PPM1E: variants seen among roughly 807,000 people sequenced by gnomAD.
The protein encoded by PPM1E is protein phosphatase 1E.
PPM1E carries 20 observed loss-of-function variants against 65.9 expected under a neutral mutation model. The ratio of observed to expected loss-of-function variants is 0.30; its 90% CI spans 0.21 to 0.44. PPM1E has a LOEUF of 0.44. PPM1E is among the 20% of genes least tolerant of loss of function. PPM1E has a pLI of 1.00. For missense variants in PPM1E, 713 were observed against 953.1 expected (o/e 0.75, Z 3.32); for synonymous variants, 352 against 374.9 (o/e 0.94, Z 0.70).
At chr17:58,866,054 A>G (rs1258812626) in intron 1 of PPM1E, among the ~76,000 whole-genome samples, 2 of 152,094 alleles carry the variant, frequency 1.3e-5, no homozygotes, top group African/African-American at 4.8e-5. Context: ...AGAGAGGGAG[A>G]TTTTCTTTAT....
Position 58,786,613 on chromosome 17 carries a change from A to T in PPM1E, c.464+30152A>T, listed in dbSNP as rs199924907. 2.6e-5 allele frequency among the ~76,000 whole-genome samples: 4 copies of T among 152,252 alleles called. No individual in the cohort carries two copies. In the East Asian group the frequency reaches 7.7e-4, roughly 29 times the overall value. On this transcript the variant is annotated intron_variant, in intron 1 of 6. Transcript: ENST00000308249. ...TGCTACAGAATGGCGTGCAGTTTAA[A>T]ACTTATGAATTGTTTATTTGTAGAA...
intron 1 of PPM1E, among the ~76,000 whole-genome samples, chr17:58,933,083 G>C (rs539252918): frequency 1.3e-5 from 2 of 152,308 alleles, no homozygotes; most frequent in Non-Finnish European, 2.9e-5. Flanking sequence ...TACGTGTGTA[G>C]TAGACTATAC....
Position 58,756,071 on chromosome 17 carries a change from C to A in PPM1E, c.74C>A (p.Pro25Gln), listed in dbSNP as rs761409476. 28 of 1,612,434 alleles carry A rather than the reference C, an allele frequency of 1.7e-5. No individual in the cohort carries two copies. The East Asian group carries it at 6.2e-4, about 36-fold the overall frequency. The change falls in exon 1 of 7, where the codon CCG becomes CAG. Residue 25 changes from proline to glutamine, a missense_variant. By Grantham distance (76) the Pro-to-Gln change is moderately conservative. Coordinates refer to ENST00000308249, the MANE Select transcript of PPM1E (RefSeq NM_014906.5). ...CTATTCCTGGGCGAGTTTCGCGGACCGTGCGGCGGCGGCGAGCCGGAGCCG... is the reference window on the plus strand; with the variant it reads ...CTATTCCTGGGCGAGTTTCGCGGACAGTGCGGCGGCGGCGAGCCGGAGCCG... ...LELFLGEFRG[P>Q]CGGGEPEPEP...
chr17:58,981,291 C>A lies in PPM1E; in HGVS notation c.*260C>A. On this transcript the variant is annotated 3_prime_UTR_variant, in exon 7 of 7. Transcript: ENST00000308249. ...CACCAATACACAACCCCCTTCCCACCATCCTTCATGTCACTAGATACACAA... is the reference window on the plus strand; with the variant it reads ...CACCAATACACAACCCCCTTCCCACAATCCTTCATGTCACTAGATACACAA... The A allele has an allele frequency of 2.6e-6, 1 of 391,458 alleles. No individual in the cohort carries two copies. 24.2% of individuals were successfully genotyped at this position (391,458 alleles called of 1,614,324 possible).
chr17:58,901,351 C>G (rs1373142876), intron 1 of PPM1E, among the ~76,000 whole-genome samples: 1 of 152,118 alleles, frequency 6.6e-6, no homozygotes, highest in Non-Finnish European at 1.5e-5. Flanking sequence ...ATTTTTTGAT[C>G]ACATAACTAC....
At chr17:58,881,721 G>A (rs2051196894) in intron 1 of PPM1E, among the ~76,000 whole-genome samples, 1 of 151,986 alleles carries the variant, frequency 6.6e-6, no homozygotes, top group Non-Finnish European at 1.5e-5. Flanking sequence ...GTGTGCACCT[G>A]TAGTCTCAGC....
chr17:58,802,225 G>T (rs892431154), intron 1 of PPM1E, among the ~76,000 whole-genome samples: 1 of 152,094 alleles, frequency 6.6e-6, no homozygotes, highest in Non-Finnish European at 1.5e-5. Flanking sequence ...TTTAATAAGG[G>T]TCCAACTTCA....
intron 1 of PPM1E, among the ~76,000 whole-genome samples, chr17:58,836,852 T>C (rs890161688): frequency 4.1e-5 from 6 of 147,760 alleles, no homozygotes; most frequent in Non-Finnish European, 9.0e-5. Flanking sequence ...AAACCCCGTC[T>C]CTACTAAAAA....
rs150855395 is a variant in PPM1E, at chr17:58,805,465, G to A, written c.464+49004G>A. Among the ~76,000 whole-genome samples, 1,030 of 152,094 alleles carry A rather than the reference G, an allele frequency of 6.8e-3. 5 individuals carry two copies. Among genetic ancestry groups the A allele is most frequent in the Non-Finnish European group, 9.4e-3 (640 of 67,992 alleles). ...GGGTTTCTCCATGTTGGTCAGGCTG[G>A]TCTCAAACTCCTGACCTCAGGTGAT... On this transcript the variant is annotated intron_variant, in intron 1 of 6. Transcript: ENST00000308249.
In PPM1E at chr17:58,930,721, T is replaced by G. The variant is rs189964234; in HGVS notation, c.465-24928T>G. Among the ~76,000 whole-genome samples the G allele has an allele frequency of 9.7e-4, 148 of 152,008 alleles. No individual in the cohort carries two copies. In the Middle Eastern group the frequency reaches 0.01, roughly 10 times the overall value. On this transcript the variant is annotated intron_variant, in intron 1 of 6. Transcript: ENST00000308249. ...AGTGCAAAAGGAGAATACACACTTC[T>G]GGAAAACATAGTAAGGGACATGGGA...
At chr17:58,932,235 G>C (rs142317702) in intron 1 of PPM1E, among the ~76,000 whole-genome samples, 3 of 152,072 alleles carry the variant, frequency 2.0e-5, no homozygotes, top group Non-Finnish European at 2.9e-5. Flanking sequence ...TTGAGAGGCC[G>C]AGGTGGATGA....
At chr17:58,972,976 C>G in intron 6 of PPM1E, 51 bp downstream of exon 6, 1 of 1,314,842 alleles carries the variant, frequency 7.6e-7, no homozygotes, top group Non-Finnish European at 1.1e-6. Flanking sequence ...CTAGCTCATT[C>G]TCCTGTATCA....
In PPM1E at chr17:58,818,326, G is replaced by T. The variant is rs140351151; in HGVS notation, c.464+61865G>T. On this transcript the variant is annotated intron_variant, in intron 1 of 6. Transcript: ENST00000308249. ...AGAGAGGTTAAATAAGTTGTCTGTG[G>T]TCACACAAGTAACAAGTAGTAGATT... 9.3e-4 allele frequency among the ~76,000 whole-genome samples: 141 copies of T among 152,256 alleles called. 1 individual carries two copies. Among genetic ancestry groups the T allele is most frequent in the African/African-American group, 3.3e-3 (138 of 41,556 alleles).
intron 1 of PPM1E, among the ~76,000 whole-genome samples, chr17:58,849,012 G>A (rs1399239288): frequency 6.6e-6 from 1 of 152,154 alleles, no homozygotes; most frequent in Non-Finnish European, 1.5e-5. Context: ...GAGGGTGTAT[G>A]TGTCCAGGAA....
At chr17:58,762,897 CAAAAAA>C (rs35912480) in intron 1 of PPM1E, among the ~76,000 whole-genome samples, 1 of 93,178 alleles carries the variant, frequency 1.1e-5, no homozygotes, top group Non-Finnish European at 2.1e-5. Context: ...GACTCCGTCT[CAAAAAA>C]AAAAAAAAAA....
At chr17:58,891,832 C>CTTTTTTTTTTTTTTTTTT (rs5821250) in intron 1 of PPM1E, among the ~76,000 whole-genome samples, 3 of 85,496 alleles carry the variant, frequency 3.5e-5, no homozygotes, top group African/African-American at 4.8e-5. Flanking sequence ...TTTTCTTTTT[C>CTTTTTTTTTTTTTTTTTT]TTTTTTTTTT....
chr17:58,891,089 G>A (rs1252682836), intron 1 of PPM1E, among the ~76,000 whole-genome samples: 1 of 151,878 alleles, frequency 6.6e-6, no homozygotes, highest in East Asian at 1.9e-4. Context: ...TCCTGCATCA[G>A]CCTCCCAAGT....
At chr17:58,872,479 C>T (rs555086294) in intron 1 of PPM1E, among the ~76,000 whole-genome samples, 1 of 152,248 alleles carries the variant, frequency 6.6e-6, no homozygotes, top group Non-Finnish European at 1.5e-5. Context: ...TGACAGATAT[C>T]ACTGGAGGTC....
intron 1 of PPM1E, among the ~76,000 whole-genome samples, chr17:58,840,321 C>G (rs1367426002): frequency 6.6e-6 from 1 of 152,170 alleles, no homozygotes; most frequent in Non-Finnish European, 1.5e-5. Flanking sequence ...CCACATGGCT[C>G]AAAACCTCCA....
Sources: allele counts gnomAD v4.1 joint callset (sites outside exome capture counted in the v4.1 genomes callset), GRCh38; gene constraint gnomAD v4.1.1; transcripts MANE v1.5; gene names NCBI Gene and HGNC (gene_info 2026-07-23, HGNC 2026-07-21).